ZNF581: variants seen among roughly 807,000 people sequenced by gnomAD.
The protein encoded by ZNF581 is zinc finger protein 581.
A neutral mutation model predicts 1.2 loss-of-function variants in ZNF581; 1 was observed. That is an observed-to-expected ratio of 0.83 (90% CI 0.30 to 3.95). The LOEUF (loss-of-function observed/expected upper bound fraction) is 3.95. Ranked by LOEUF, ZNF581 falls within the 30% of genes most tolerant of loss-of-function variation. ZNF581 has a pLI of 0.18. For synonymous variants in ZNF581, 105 were observed against 109.2 expected, an observed-to-expected ratio of 0.96 and a Z score of 0.24; for missense variants, 273 against 274.6, an observed-to-expected ratio of 0.99 and a Z score of 0.04.
At chr19:55,640,883 T>G, upstream of ZNF581, 1 of 984,786 alleles carries the variant, frequency 1.0e-6, no homozygotes, top group Non-Finnish European at 1.2e-6. Context: ...GGCGGGCGTC[T>G]TCAGTGGACC....
chr19:55,640,971 T>G (rs1273227592), upstream of ZNF581: 4 of 985,144 alleles, frequency 4.1e-6, no homozygotes, highest in East Asian at 3.4e-4. Context: ...CGGCGGAACC[T>G]CCGCACTGGG....
upstream of ZNF581, chr19:55,640,557 T>G (rs1035687227): frequency 4.7e-5 from 46 of 985,374 alleles, no homozygotes; most frequent in Middle Eastern, 5.2e-4. Flanking sequence ...TCTGGCAGCG[T>G]CTGGCCTTCT....
chr19:55,645,279 G>A lies in ZNF581; in HGVS notation c.*114G>A, dbSNP rs1469149596. On this transcript the variant is annotated 3_prime_UTR_variant, in exon 2 of 2. Transcript: ENST00000270451. ...GTTCAGGGCCCTGGACACAGACACA[G>A]AGCAGCCGCATCTCAAAGGCAGAGC... 1 of 903,386 alleles carries A rather than the reference G, an allele frequency of 1.1e-6. No homozygotes were observed. The highest frequency in any genetic ancestry group is 1.7e-5 in the African/African-American group (1 of 59,724). 56.0% of individuals were successfully genotyped at this position (903,386 alleles called of 1,614,324 possible).
chr19:55,645,485 G>A lies in ZNF581; in HGVS notation c.*320G>A, dbSNP rs896612520. On this transcript the variant is annotated 3_prime_UTR_variant, in exon 2 of 2. Coordinates refer to ENST00000270451, the MANE Select transcript of ZNF581 (RefSeq NM_016535.4). The stretch of plus-strand genomic sequence containing the variant: ...GTGTAAAGTCTCTGGCCTCATAAAA[G>A]GTGGCTGTGGGTCGTCAGGAATCTG... The A allele has an allele frequency of 2.3e-5, 6 of 264,194 alleles. No individual in the cohort carries two copies. Among genetic ancestry groups the A allele is most frequent in the African/African-American group, 1.1e-4 (5 of 45,028 alleles). The allele number at this position is 264,194 out of a possible 1,614,324, so 16.4% of individuals were successfully genotyped here.
At chr19:55,638,459 G>C (rs150056684), upstream of ZNF581, among the ~76,000 whole-genome samples, 366 of 152,250 alleles carry the variant, frequency 2.4e-3, no homozygotes, top group South Asian at 3.9e-3. Context: ...GGATGGTCTT[G>C]ATCTTGACCT....
chr19:55,643,482 T>G, upstream of ZNF581: 2 of 172,678 alleles, frequency 1.2e-5, no homozygotes, highest in Non-Finnish European at 2.7e-5. Context: ...TTTCAGGCTC[T>G]TCCTTGCGTG....
intron 1 of ZNF581, chr19:55,635,718 G>A: frequency 8.1e-6 from 8 of 988,248 alleles, no homozygotes; most frequent in Non-Finnish European, 9.6e-6. Flanking sequence ...AACAGGTTGG[G>A]TGAGGGCAAG....
chr19:55,644,900 C>T lies in ZNF581; in HGVS notation c.329C>T (p.Ser110Leu), dbSNP rs751414538. Reference sequence around the variant, plus strand: ...CTTCAGCGACACAGCATCACCCACTCGGAGGTAAAGCCCTTCGAGTGTGAC... The same window carrying T: ...CTTCAGCGACACAGCATCACCCACTTGGAGGTAAAGCCCTTCGAGTGTGAC... ...SYLQRHSITHSEVKPFECDIC... is the reference protein window; with the variant it reads ...SYLQRHSITHLEVKPFECDIC... Residue 110 changes from serine to leucine, a missense_variant, in exon 2 of 2, where the codon TCG becomes TTG. Physicochemically the swap from Ser to Leu is moderately radical, Grantham distance 145 (BLOSUM62 -2). Transcript: ENST00000270451. The surrounding 1 kb of genome is among the most constrained non-coding windows in gnomAD (Gnocchi z 4.3). The T allele has an allele frequency of 5.0e-6, 8 of 1,613,850 alleles. No homozygotes were observed. The highest frequency in any genetic ancestry group is 1.6e-4 in the Middle Eastern group (1 of 6,082).
At chr19:55,641,917 A>C, upstream of ZNF581, 37 of 333,322 alleles carry the variant, frequency 1.1e-4, no homozygotes, top group Non-Finnish European at 1.5e-4. Flanking sequence ...GGCTCTGGGG[A>C]GGTACCTAGA....
chr19:55,637,795 C>T (rs980767485), upstream of ZNF581, among the ~76,000 whole-genome samples: 17 of 152,216 alleles, frequency 1.1e-4, no homozygotes, highest in Non-Finnish European at 2.9e-5. Flanking sequence ...TCTTTGAGCT[C>T]TGCTTCCCTC....
Position 55,644,242 on chromosome 19 carries a change from C to G in ZNF581, c.-19-311C>G, listed in dbSNP as rs971120183. Among the ~76,000 whole-genome samples the G allele has an allele frequency of 6.6e-6, 1 of 152,102 alleles. No individual in the cohort carries two copies. The highest frequency in any genetic ancestry group is 1.5e-5 in the Non-Finnish European group (1 of 68,004). On this transcript the variant is annotated intron_variant, in intron 1 of 1. Transcript: ENST00000270451. This position sits in a 1 kb window ranked among gnomAD's most constrained non-coding sequence, Gnocchi z 4.3. ...GCCTGGAGGCCTGCGGGGTGGGGCACCCAGTGACCTGGGAGGGCACAAAGA... is the reference window on the plus strand; with the variant it reads ...GCCTGGAGGCCTGCGGGGTGGGGCAGCCAGTGACCTGGGAGGGCACAAAGA...
At position 55,644,999 on chromosome 19, in the gene ZNF581, G is replaced by T. The variant is rs1568539112; in HGVS notation, c.428G>T (p.Arg143Leu). The T allele has an allele frequency of 2.5e-6, 4 of 1,600,668 alleles. No homozygotes were observed. The highest frequency in any genetic ancestry group is 3.4e-6 in the Non-Finnish European group (4 of 1,169,590). ...HHSIHLAGGGRPHGCPLCPRR... is the reference protein window; with the variant it reads ...HHSIHLAGGGLPHGCPLCPRR... ...TCCATTCACCTGGCGGGTGGTGGGC[G>T]GCCCCACGGCTGCCCGCTCTGCCCT... Residue 143 changes from arginine (R) to leucine (L), a missense_variant, in exon 2 of 2, where the codon CGG becomes CTG. Arg to Leu is a moderately radical substitution (Grantham distance 102). Transcript: ENST00000270451. This position sits in a 1 kb window ranked among gnomAD's most constrained non-coding sequence, Gnocchi z 4.3.
At chr19:55,641,126 C>T (rs1236466283), upstream of ZNF581, 20 of 984,838 alleles carry the variant, frequency 2.0e-5, no homozygotes, top group Non-Finnish European at 2.3e-5. Context: ...CCAGGGGAAG[C>T]CCGGGGCCGC....
upstream of ZNF581, chr19:55,643,109 A>C (rs1216193718): frequency 9.2e-6 from 12 of 1,298,772 alleles, no homozygotes; most frequent in South Asian, 7.8e-5. Context: ...TCCCACACAC[A>C]CCCCCTGGCT....
rs755855678 is a variant in ZNF581 at position 55,645,065 on chromosome 19, G to A, written c.494G>A (p.Arg165Gln). ...GCGGGTGAGCTGGCCCAGCACAGCC[G>A]GGTGCACTCTGGGGAACGCCCGTTT... ...RDAGELAQHS[R>Q]VHSGERPFQC... The change falls in exon 2 of 2, where the codon CGG (arginine) becomes CAG (glutamine). Residue 165 changes from arginine to glutamine, a missense_variant. Physicochemically the swap from Arg to Gln is conservative, Grantham distance 43. Transcript: ENST00000270451. The A allele has an allele frequency of 1.3e-5, 21 of 1,569,112 alleles. No individual in the cohort carries two copies. Among genetic ancestry groups the A allele is most frequent in the East Asian group, 2.3e-5 (1 of 44,264 alleles).
upstream of ZNF581, among the ~76,000 whole-genome samples, chr19:55,637,090 G>A (rs1452546939): frequency 2.6e-5 from 4 of 152,314 alleles, no homozygotes; most frequent in Admixed American, 6.5e-5. Context: ...AGTTGGGACT[G>A]TAGGCAGGCA....
At chr19:55,635,523 G>GC in exon 1 of ZNF581, 1 of 268,040 alleles carries the variant, frequency 3.7e-6, no homozygotes, top group Non-Finnish European at 5.8e-6. Context: ...AGTGGCCTCT[G>GC]CCCCCTCTGC....
chr19:55,635,087 G>A (rs1356388123), upstream of ZNF581: 1 of 152,222 alleles, frequency 6.6e-6, no homozygotes, highest in Non-Finnish European at 1.5e-5. Flanking sequence ...AGGTTCAGCA[G>A]TGACGGCATT....
chr19:55,641,559 A>G (rs1230175744), upstream of ZNF581, among the ~76,000 whole-genome samples: 9 of 152,030 alleles, frequency 5.9e-5, no homozygotes, highest in Non-Finnish European at 1.2e-4. Context: ...ACGTACACAG[A>G]AAGGAGGGGA....
Sources: gnomAD v4.1 joint callset for allele counts (sites outside exome capture counted in the v4.1 genomes callset) on GRCh38, gnomAD v4.1.1 for gene constraint, Gnocchi (gnomAD v3.1) non-coding constraint, MANE v1.5 for transcripts, NCBI Gene and HGNC (gene_info 2026-07-23, HGNC 2026-07-21) for gene names.